CACNG2: variants seen among roughly 807,000 people sequenced by gnomAD.
CACNG2 encodes voltage-dependent calcium channel gamma-2 subunit.
CACNG2 carries 3 observed loss-of-function variants against 25.9 expected under a neutral mutation model. That is an observed-to-expected ratio of 0.12 (90% CI 0.05 to 0.30). The LOEUF (loss-of-function observed/expected upper bound fraction) is 0.30, where lower values mean the gene tolerates loss of function less well. Among genes scored for constraint, CACNG2 ranks in the 10% least tolerant of loss-of-function variants. CACNG2 has a pLI of 1.00. For synonymous variants in CACNG2, 167 were observed against 173.3 expected (o/e 0.96, Z 0.29); for missense variants, 341 against 432.5 (o/e 0.79, Z 1.88).
At chr22:36,618,650 G>A (rs2283989) in intron 1 of CACNG2, among the ~76,000 whole-genome samples, 93,871 of 152,070 alleles carry the variant, frequency 0.62, 29,178 homozygotes, top group Non-Finnish European at 0.64. Context: ...GGCCAGGCAC[G>A]GTGGCTCCAC....
chr22:36,697,732 G>C (rs920613756), intron 1 of CACNG2, among the ~76,000 whole-genome samples: 1 of 152,162 alleles, frequency 6.6e-6, no homozygotes, highest in Non-Finnish European at 1.5e-5. Context: ...AAGTTGTCAG[G>C]GTTCTTTGAA....
chr22:36,615,004 C>T (rs1260415542), intron 1 of CACNG2, among the ~76,000 whole-genome samples: 1 of 152,210 alleles, frequency 6.6e-6, no homozygotes, highest in East Asian at 1.9e-4. Flanking sequence ...CACTGTGATG[C>T]AGTTTACTTC....
intron 1 of CACNG2, among the ~76,000 whole-genome samples, chr22:36,639,418 A>T (rs1936408092): frequency 6.6e-6 from 1 of 152,200 alleles, no homozygotes; most frequent in Admixed American, 6.5e-5. Context: ...CGTTTTGGGT[A>T]GAGGGAAGTG....
intron 1 of CACNG2, among the ~76,000 whole-genome samples, chr22:36,621,987 C>A (rs1035744086): frequency 6.6e-6 from 1 of 152,218 alleles, no homozygotes; most frequent in Non-Finnish European, 1.5e-5. Context: ...TTACTGAGTG[C>A]TCCCTATGTG....
At chr22:36,575,546 C>T (rs574326089) in intron 2 of CACNG2, among the ~76,000 whole-genome samples, 73 of 150,162 alleles carry the variant, frequency 4.9e-4, no homozygotes, top group African/African-American at 1.7e-3. Context: ...GATGTGACGA[C>T]GGGGGGAGGT....
chr22:36,634,989 A>T (rs1936331745), intron 1 of CACNG2, among the ~76,000 whole-genome samples: 1 of 152,188 alleles, frequency 6.6e-6, no homozygotes, highest in Non-Finnish European at 1.5e-5. Context: ...CATGATGAAA[A>T]ATGGTCAATC....
intron 1 of CACNG2, among the ~76,000 whole-genome samples, chr22:36,668,093 G>A (rs570527205): frequency 4.4e-4 from 67 of 152,330 alleles, no homozygotes; most frequent in African/African-American, 1.5e-3. Context: ...AGGGAATGGA[G>A]GCTCACTGCT....
intron 1 of CACNG2, among the ~76,000 whole-genome samples, chr22:36,616,172 A>T (rs2899268): frequency 0.81 from 123,649 of 152,172 alleles, 50,604 homozygotes; most frequent in African/African-American, 0.92. Context: ...ATAAGAAAAG[A>T]ATAATCCTCC....
chr22:36,604,260 A>C (rs1345855358), intron 1 of CACNG2, among the ~76,000 whole-genome samples: 1 of 152,188 alleles, frequency 6.6e-6, no homozygotes, highest in Non-Finnish European at 1.5e-5. Flanking sequence ...TCATGATAAA[A>C]CTTGAGTGGA....
In CACNG2 at chr22:36,703,416, G is replaced by C. The variant is rs1447531396; in HGVS notation, c.-840C>G. 2 of 152,922 alleles carry C rather than the reference G, an allele frequency of 1.3e-5. No individual in the cohort carries two copies. Among genetic ancestry groups the C allele is most frequent in the East Asian group, 3.9e-4 (2 of 5,172 alleles). 9.5% of individuals were successfully genotyped at this position (152,922 alleles called of 1,614,324 possible). A position where few individuals can be genotyped will look rare whatever the true frequency, so the allele number is the denominator to read the frequency against. ...GGATTTCCCTCCCCCTATCTGCAAA[G>C]CTCCTGGAAACGAGGGAGCCGGCGT... On this transcript the variant is annotated 5_prime_UTR_variant, in exon 1 of 4. Coordinates refer to ENST00000300105, the MANE Select transcript of CACNG2 (RefSeq NM_006078.5).
intron 1 of CACNG2, among the ~76,000 whole-genome samples, chr22:36,619,312 G>T (rs1344345527): frequency 6.6e-6 from 1 of 152,174 alleles, no homozygotes. Context: ...AAATTCTGAG[G>T]TTTAAAATGT....
At chr22:36,634,361 A>G (rs1257024774) in intron 1 of CACNG2, among the ~76,000 whole-genome samples, 1 of 152,218 alleles carries the variant, frequency 6.6e-6, no homozygotes, top group Non-Finnish European at 1.5e-5. Context: ...AGTTTGAGGC[A>G]GGGGATCATG....
At chr22:36,689,948 T>A (rs1358386992) in intron 1 of CACNG2, among the ~76,000 whole-genome samples, 2 of 152,242 alleles carry the variant, frequency 1.3e-5, no homozygotes, top group African/African-American at 4.8e-5. Flanking sequence ...AGGGAGTAGA[T>A]GAGGCTAGCC....
intron 2 of CACNG2, among the ~76,000 whole-genome samples, chr22:36,566,703 G>A (rs1024322731): frequency 3.3e-5 from 5 of 152,118 alleles, no homozygotes; most frequent in African/African-American, 1.2e-4. Flanking sequence ...CTGCCTCCAG[G>A]GCCAAACTCC....
In CACNG2 at chr22:36,562,897, C is replaced by G. The variant is rs1412069565; in HGVS notation, c.*1454G>C. 1 of 152,172 alleles carries G rather than the reference C, an allele frequency of 6.6e-6. No individual in the cohort carries two copies. Among genetic ancestry groups the G allele is most frequent in the African/African-American group, 2.4e-5 (1 of 41,434 alleles). 9.4% of individuals were successfully genotyped at this position (152,172 alleles called of 1,614,324 possible). A position where few individuals can be genotyped will look rare whatever the true frequency, so the allele number is the denominator to read the frequency against. On this transcript the variant is annotated 3_prime_UTR_variant, in exon 4 of 4. Transcript: ENST00000300105. ...CAACCTTCAAGCCCAGCTCTCACCT[C>G]TCACAACGGTTTTGCTTTGTTTTTG...
At position 36,571,753 on chromosome 22, in the gene CACNG2, C is replaced by T. The variant is rs575406622; in HGVS notation, c.296-5260G>A. Among the ~76,000 whole-genome samples, 9 of 148,760 alleles carry T rather than the reference C, an allele frequency of 6.1e-5. No homozygotes were observed. In the South Asian group the frequency reaches 1.5e-3, roughly 25 times the overall value. On this transcript the variant is annotated intron_variant, in intron 2 of 3. Coordinates refer to ENST00000300105, the MANE Select transcript of CACNG2 (RefSeq NM_006078.5). ...TTAGCTGGGCATGGTGGTGCACACC[C>T]ATAGCCCCAGCTACTTGGGGGGCTG...
chr22:36,693,808 T>A (rs1046433644), intron 1 of CACNG2, among the ~76,000 whole-genome samples: 3 of 152,166 alleles, frequency 2.0e-5, no homozygotes, highest in Non-Finnish European at 4.4e-5. Flanking sequence ...GAGAACTCAG[T>A]CCTCCCTGGC....
At position 36,695,967 on chromosome 22, in the gene CACNG2, C is replaced by T. The variant is rs182985856; in HGVS notation, c.211+6399G>A. On this transcript the variant is annotated intron_variant, in intron 1 of 3. Coordinates refer to ENST00000300105, the MANE Select transcript of CACNG2 (RefSeq NM_006078.5). ...CTATGGCTGCGAACTAACCTGGAAA[C>T]GTACAATGCCTATTGCGTTTGAATA... is the stretch of plus-strand genomic sequence containing the variant. 2.4e-4 allele frequency among the ~76,000 whole-genome samples: 36 copies of T among 152,268 alleles called. No individual in the cohort carries two copies. The East Asian group carries it at 6.0e-3, about 25-fold the overall frequency.
chr22:36,596,404 G>A (rs1172486071), intron 1 of CACNG2, among the ~76,000 whole-genome samples: 2 of 152,230 alleles, frequency 1.3e-5, no homozygotes, highest in African/African-American at 2.4e-5. Flanking sequence ...ACAACAGAAC[G>A]TGTGGCATCC....
Sources: gnomAD v4.1 joint callset for allele counts (sites outside exome capture counted in the v4.1 genomes callset) on GRCh38, gnomAD v4.1.1 for gene constraint, MANE v1.5 for transcripts, NCBI Gene and HGNC (gene_info 2026-07-23, HGNC 2026-07-21) for gene names.